CFAP20DC: variants seen among roughly 807,000 people sequenced by gnomAD.
CFAP20DC encodes the protein protein CFAP20DC.
In CFAP20DC, 84 loss-of-function variants were observed where a neutral mutation model predicts 101.7. The ratio of observed to expected loss-of-function variants is 0.83; its 90% CI spans 0.69 to 0.99. CFAP20DC has a LOEUF of 0.99. Ranked by LOEUF, CFAP20DC falls within the 50% of genes least tolerant of loss-of-function variation. The pLI is 0.00. For missense variants in CFAP20DC, 1,007 were observed against 970.3 expected, an observed-to-expected ratio of 1.04 and a Z score of -0.50; for synonymous variants, 359 against 351.2, an observed-to-expected ratio of 1.02 and a Z score of -0.25.
rs543956090 is a variant in CFAP20DC at position 58,947,995 on chromosome 3, C to A, written c.279-10233G>T. On this transcript the variant is annotated intron_variant, in intron 4 of 16. Coordinates refer to ENST00000482387, the MANE Select transcript of CFAP20DC (RefSeq NM_001394063.1). ...AAGGGTTACGGGCTGCCTTTAGGGG[C>A]CTTAACTCCCCAGTATTTCCAAGTT... Among the ~76,000 whole-genome samples, 2 of 152,148 alleles carry A rather than the reference C, an allele frequency of 1.3e-5. 1 individual carries two copies. Among genetic ancestry groups the A allele is most frequent in the South Asian group, 4.1e-4 (2 of 4,830 alleles).
chr3:58,974,105 G>C (rs2092124165), intron 4 of CFAP20DC, among the ~76,000 whole-genome samples: 1 of 152,138 alleles, frequency 6.6e-6, no homozygotes, highest in African/African-American at 2.4e-5. Flanking sequence ...GGGTGGAAGG[G>C]AGGATTTTTC....
rs939438263 is a variant in CFAP20DC at position 58,914,701 on chromosome 3, C to CT, written c.394-838dup. Among the ~76,000 whole-genome samples the CT allele has an allele frequency of 1.4e-5, 2 of 144,422 alleles. No homozygotes were observed. Among genetic ancestry groups the CT allele is most frequent in the African/African-American group, 5.1e-5 (2 of 39,006 alleles). 94.7% of individuals were successfully genotyped at this position (144,422 alleles called of 152,430 possible). On this transcript the variant is annotated intron_variant, in intron 5 of 16. Coordinates refer to ENST00000482387, the MANE Select transcript of CFAP20DC (RefSeq NM_001394063.1). This position sits in a 1 kb window ranked among gnomAD's most constrained non-coding sequence, Gnocchi z 4.9. ...AAATATATATATATATATTTTTTTT[C>CT]TTTTTTTTAAAGACAAATCTTATAT...
At chr3:59,034,915 T>A (rs186371084) in intron 4 of CFAP20DC, among the ~76,000 whole-genome samples, 120 of 152,276 alleles carry the variant, frequency 7.9e-4, no homozygotes, top group Non-Finnish European at 1.6e-3. Context: ...CACATTGCAC[T>A]TATTCTAATA....
At position 58,729,410 on chromosome 3, in the gene CFAP20DC, TA is replaced by T. The variant is rs1490045811; in HGVS notation, c.198-11783del. 6.6e-6 allele frequency among the ~76,000 whole-genome samples: 1 copy of T among 152,158 alleles called. No homozygotes were observed. Among genetic ancestry groups the T allele is most frequent in the Non-Finnish European group, 1.5e-5 (1 of 68,024 alleles). ...TTAATATTTTGTGTCTTGTATACAG[TA>T]AAACAATTGATTTTTATATAATGAC... On this transcript the variant is annotated intron_variant, in intron 3 of 3. Coordinates refer to the CFAP20DC transcript ENST00000486145. The surrounding 1 kb of genome is among the most constrained non-coding windows in gnomAD (Gnocchi z 4.4).
At chr3:58,880,872 A>G (rs573816660) in intron 7 of CFAP20DC, among the ~76,000 whole-genome samples, 32 of 152,174 alleles carry the variant, frequency 2.1e-4, no homozygotes, top group Non-Finnish European at 3.4e-4. Context: ...ATTTTCACAC[A>G]TTGGAACTAA....
chr3:58,842,303 T>A (rs562007002), intron 13 of CFAP20DC, among the ~76,000 whole-genome samples: 1 of 152,012 alleles, frequency 6.6e-6, no homozygotes, highest in African/African-American at 2.4e-5. Context: ...GGCCAGTGGG[T>A]GCGCGCACCG....
In CFAP20DC at chr3:58,717,609, A is replaced by G. The variant is rs1179992017; in HGVS notation, c.219T>C (p.Ala73=). Residue 73 remains alanine (A), a synonymous_variant, in exon 4 of 4, where the codon GCT becomes GCC. Coordinates refer to the CFAP20DC transcript ENST00000486145. The surrounding 1 kb of genome is among the most constrained non-coding windows in gnomAD (Gnocchi z 4.1). ...GCCTTCACAGTTGCAAAATGGCTGTAGCACTTCCAGACATTTCTTCTGCAT... is the reference window on the plus strand; with the variant it reads ...GCCTTCACAGTTGCAAAATGGCTGTGGCACTTCCAGACATTTCTTCTGCAT... 2.2e-6 allele frequency: 1 copy of G among 453,752 alleles called. No homozygotes were observed. Among genetic ancestry groups the G allele is most frequent in the East Asian group, 7.0e-5 (1 of 14,364 alleles). 28.1% of individuals were successfully genotyped at this position (453,752 alleles called of 1,614,324 possible). A position where few individuals can be genotyped will look rare whatever the true frequency, so the allele number is the denominator to read the frequency against.
intron 15 of CFAP20DC, among the ~76,000 whole-genome samples, chr3:58,804,223 C>A (rs1392629331): frequency 1.3e-5 from 2 of 152,134 alleles, no homozygotes; most frequent in Non-Finnish European, 2.9e-5. Context: ...CTGGAGAGGT[C>A]AGAGGCTTGT....
intron 7 of CFAP20DC, among the ~76,000 whole-genome samples, chr3:58,881,492 G>A (rs529110999): frequency 6.6e-6 from 1 of 152,264 alleles, no homozygotes; most frequent in East Asian, 1.9e-4. Context: ...GTGTGAATGT[G>A]TGGTTTTTGG....
At chr3:58,870,442 A>G (rs2080073792) in intron 7 of CFAP20DC, 133 bp from the exon 8 acceptor site, 2 of 776,916 alleles carry the variant, frequency 2.6e-6, no homozygotes, top group Non-Finnish European at 4.3e-6. Flanking sequence ...CATGTATTAA[A>G]AACACAGATA....
intron 4 of CFAP20DC, among the ~76,000 whole-genome samples, chr3:58,993,234 TC>T (rs1456663123): frequency 7.2e-5 from 11 of 152,300 alleles, no homozygotes; most frequent in African/African-American, 2.6e-4. Flanking sequence ...AGTACATATT[TC>T]TTTTTTTTGT....
chr3:59,047,661 C>T (rs1339817611), intron 1 of CFAP20DC, among the ~76,000 whole-genome samples: 1 of 152,194 alleles, frequency 6.6e-6, no homozygotes, highest in Non-Finnish European at 1.5e-5. Flanking sequence ...GTAGTTATCT[C>T]CAAATACAAG....
chr3:59,038,535 C>T (rs1032023992), intron 4 of CFAP20DC, among the ~76,000 whole-genome samples: 1 of 152,148 alleles, frequency 6.6e-6, no homozygotes, highest in African/African-American at 2.4e-5. Context: ...TGTAGCAACC[C>T]TGTGTCAAGA....
At chr3:58,814,838 C>G (rs1559633616) in intron 14 of CFAP20DC, among the ~76,000 whole-genome samples, 1 of 150,870 alleles carries the variant, frequency 6.6e-6, no homozygotes, top group Admixed American at 6.6e-5. Flanking sequence ...CTACAAACCA[C>G]TGCTCAAGGA....
chr3:58,986,829 A>G (rs751856990), intron 4 of CFAP20DC, among the ~76,000 whole-genome samples: 1 of 152,286 alleles, frequency 6.6e-6, no homozygotes, highest in South Asian at 2.1e-4. Flanking sequence ...CAATAAACAT[A>G]AAGTCACATT....
At chr3:58,762,676 T>C (rs1464892707) in intron 15 of CFAP20DC, among the ~76,000 whole-genome samples, 7 of 152,018 alleles carry the variant, frequency 4.6e-5, no homozygotes, top group Admixed American at 2.0e-4. Flanking sequence ...TGGCTGGTAC[T>C]GGTTGTTCCT....
rs2079221930 is a variant in CFAP20DC at position 58,861,227 on chromosome 3, C to T, written c.1593+2331G>A. 2.4e-6 allele frequency: 1 copy of T among 410,938 alleles called. No individual in the cohort carries two copies. The allele number at this position is 410,938 out of a possible 1,614,324, so 25.5% of individuals were successfully genotyped here. A position where few individuals can be genotyped will look rare whatever the true frequency, so the allele number is the denominator to read the frequency against. ...TTTTCCTTTAAAAATACTCAATGGG[C>T]TAACATCAAATAAAGTCTTTTAATT... On this transcript the variant is annotated intron_variant, in intron 12 of 16. Transcript: ENST00000482387. The surrounding 1 kb of genome is among the most constrained non-coding windows in gnomAD (Gnocchi z 4.0).
At chr3:58,733,777 A>C (rs1182571185) in intron 3 of CFAP20DC, among the ~76,000 whole-genome samples, 2 of 152,266 alleles carry the variant, frequency 1.3e-5, no homozygotes, top group African/African-American at 4.8e-5. Flanking sequence ...ATCTATAATC[A>C]GGGTTGCCCC....
At chr3:58,908,139 T>C (rs1290484768) in intron 6 of CFAP20DC, among the ~76,000 whole-genome samples, 1 of 152,356 alleles carries the variant, frequency 6.6e-6, no homozygotes, top group South Asian at 2.1e-4. Context: ...CACCTAAGGC[T>C]GCCCTTCCAC....
Sources: gnomAD v4.1 joint callset for allele counts (sites outside exome capture counted in the v4.1 genomes callset) on GRCh38, gnomAD v4.1.1 for gene constraint, Gnocchi (gnomAD v3.1) non-coding constraint, MANE v1.5 for transcripts, NCBI Gene and HGNC (gene_info 2026-07-23, HGNC 2026-07-21) for gene names.